ATRNL1: variants seen among roughly 807,000 people sequenced by gnomAD.
ATRNL1 encodes the protein attractin-like protein 1.
Under a neutral mutation model 182.7 loss-of-function variants are expected in ATRNL1, and 95 were observed. That is an observed-to-expected ratio of 0.52 (90% CI 0.44 to 0.62). The LOEUF (loss-of-function observed/expected upper bound fraction) is 0.62, where lower values mean the gene tolerates loss of function less well. Ranked by LOEUF, ATRNL1 falls within the 20% of genes least tolerant of loss-of-function variation. The probability of loss-of-function intolerance (pLI) is 0.00; values close to 1 mark genes in which losing one functional copy is unlikely to be tolerated. For synonymous variants in ATRNL1, 576 were observed against 568.3 expected, an observed-to-expected ratio of 1.01 and a Z score of -0.19; for missense variants, 1,471 against 1,679.5, an observed-to-expected ratio of 0.88 and a Z score of 2.17.
chr10:115,542,255 A>G (rs1047640818), intron 25 of ATRNL1, among the ~76,000 whole-genome samples: 1 of 152,114 alleles, frequency 6.6e-6, no homozygotes, highest in Admixed American at 6.5e-5. Context: ...TAGCCTCAAA[A>G]TCTGTTACAG....
Position 115,674,810 on chromosome 10 carries a change from C to T in ATRNL1, c.3796-52438C>T, listed in dbSNP as rs1233414356. 3.3e-5 allele frequency among the ~76,000 whole-genome samples: 5 copies of T among 152,206 alleles called. 1 individual carries two copies. The highest frequency in any genetic ancestry group is 1.2e-4 in the African/African-American group (5 of 41,560). On this transcript the variant is annotated intron_variant, in intron 26 of 28. Coordinates refer to ENST00000355044, the MANE Select transcript of ATRNL1 (RefSeq NM_207303.4). ...AAAAATGGACTGTATTTCTAGACCACTGTGATTCTTGCATATGCTAGCAAC... is the reference window on the plus strand; with the variant it reads ...AAAAATGGACTGTATTTCTAGACCATTGTGATTCTTGCATATGCTAGCAAC...
intron 10 of ATRNL1, among the ~76,000 whole-genome samples, chr10:115,260,048 C>T (rs886721186): frequency 3.8e-4 from 58 of 152,138 alleles, no homozygotes; most frequent in African/African-American, 1.4e-3. Flanking sequence ...GCTGTCACTT[C>T]CTACCGCTAC....
At chr10:115,743,344 T>A (rs1948195731) in intron 27 of ATRNL1, among the ~76,000 whole-genome samples, 1 of 151,336 alleles carries the variant, frequency 6.6e-6, no homozygotes, top group South Asian at 2.1e-4. Flanking sequence ...TTCACCCCAA[T>A]AAGCTGACTC....
intron 26 of ATRNL1, among the ~76,000 whole-genome samples, chr10:115,596,416 C>T (rs971838761): frequency 1.3e-5 from 2 of 152,126 alleles, no homozygotes; most frequent in Non-Finnish European, 1.5e-5. Flanking sequence ...CGTCATTATT[C>T]TCATTTGAAT....
At chr10:115,235,817 A>G (rs1429806387) in intron 9 of ATRNL1, among the ~76,000 whole-genome samples, 1 of 152,112 alleles carries the variant, frequency 6.6e-6, no homozygotes, top group Non-Finnish European at 1.5e-5. Flanking sequence ...ATACTTTCAG[A>G]TTATGTAAAT....
At chr10:115,532,189 G>C (rs1851635419) in intron 25 of ATRNL1, among the ~76,000 whole-genome samples, 1 of 152,066 alleles carries the variant, frequency 6.6e-6, no homozygotes, top group African/African-American at 2.4e-5. Context: ...GCTTGATGGG[G>C]ATGTCATTGA....
intron 27 of ATRNL1, among the ~76,000 whole-genome samples, chr10:115,776,270 A>G (rs1949123903): frequency 6.6e-6 from 1 of 152,210 alleles, no homozygotes; most frequent in South Asian, 2.1e-4. Flanking sequence ...AGCGTATGTT[A>G]ATCTGGACAT....
At chr10:115,181,217 A>G (rs1554887780) in intron 8 of ATRNL1, among the ~76,000 whole-genome samples, 1 of 151,902 alleles carries the variant, frequency 6.6e-6, no homozygotes, top group African/African-American at 2.4e-5. Flanking sequence ...CAAATGTTAC[A>G]TGTTTTGTCC....
chr10:115,384,434 A>G (rs1326258444), intron 19 of ATRNL1, among the ~76,000 whole-genome samples: 1 of 152,018 alleles, frequency 6.6e-6, no homozygotes, highest in East Asian at 1.9e-4. Context: ...TTTGGTCACA[A>G]ATATAAGGGT....
rs2133655798 is a variant in ATRNL1 at position 115,947,260 on chromosome 10, T to G, written c.*2481T>G. On this transcript the variant is annotated 3_prime_UTR_variant, in exon 29 of 29. Transcript: ENST00000355044. The stretch of plus-strand genomic sequence containing the variant: ...CACTTTAAATTTGGATGCTTTCATT[T>G]TTTTTAAATCAAACCACACAAATAT... 6.5e-6 allele frequency: 1 copy of G among 152,746 alleles called. No individual in the cohort carries two copies. Among genetic ancestry groups the G allele is most frequent in the African/African-American group, 2.4e-5 (1 of 41,566 alleles). The allele number at this position is 152,746 out of a possible 1,614,324, so 9.5% of individuals were successfully genotyped here. A position where few individuals can be genotyped will look rare whatever the true frequency, so the allele number is the denominator to read the frequency against.
At chr10:115,581,871 C>T (rs4539225) in intron 26 of ATRNL1, among the ~76,000 whole-genome samples, 68,431 of 142,976 alleles carry the variant, frequency 0.48, 17,566 homozygotes, top group East Asian at 0.83. Context: ...ATTAGGTATA[C>T]CTCCCATTGC....
At chr10:115,777,114 T>G (rs1949146491) in intron 27 of ATRNL1, among the ~76,000 whole-genome samples, 1 of 152,176 alleles carries the variant, frequency 6.6e-6, no homozygotes, top group African/African-American at 2.4e-5. Flanking sequence ...ATAAAGCAAA[T>G]GTAGCAAAAT....
chr10:115,173,519 G>A (rs1194495601), intron 8 of ATRNL1, among the ~76,000 whole-genome samples: 5 of 151,790 alleles, frequency 3.3e-5, no homozygotes, highest in African/African-American at 1.2e-4. Flanking sequence ...TTCTGTTACT[G>A]ACTTAGTATT....
In ATRNL1 at chr10:115,389,577, T is replaced by C. The variant is rs1356986800; in HGVS notation, c.3176-5082T>C. ...ATATATATATATATATATATATATA[T>C]ATATATATATATATTTCATCCAATG... On this transcript the variant is annotated intron_variant, in intron 19 of 28. Transcript: ENST00000355044. Among the ~76,000 whole-genome samples the C allele has an allele frequency of 5.8e-5, 7 of 120,676 alleles. No individual in the cohort carries two copies. The South Asian group carries it at 1.4e-3, about 23-fold the overall frequency. 79.2% of individuals were successfully genotyped at this position (120,676 alleles called of 152,430 possible). A position where few individuals can be genotyped will look rare whatever the true frequency, so the allele number is the denominator to read the frequency against.
At chr10:115,264,137 G>A (rs143160034) in intron 10 of ATRNL1, among the ~76,000 whole-genome samples, 4 of 150,996 alleles carry the variant, frequency 2.6e-5, no homozygotes, top group African/African-American at 7.3e-5. Flanking sequence ...CAACGTGCAC[G>A]TTTGTTACGT....
At chr10:115,582,404 C>T (rs1379956048) in intron 26 of ATRNL1, among the ~76,000 whole-genome samples, 2 of 139,686 alleles carry the variant, frequency 1.4e-5, no homozygotes, top group Non-Finnish European at 3.1e-5. Flanking sequence ...TCTCCAGCAC[C>T]TGTTGTTTCC....
intron 17 of ATRNL1, among the ~76,000 whole-genome samples, chr10:115,311,731 C>T (rs782325469): frequency 1.3e-5 from 2 of 152,122 alleles, no homozygotes; most frequent in Non-Finnish European, 2.9e-5. Flanking sequence ...TATTGTGCTG[C>T]TGTCTATCTC....
At chr10:115,877,739 C>T (rs1951732134) in intron 28 of ATRNL1, among the ~76,000 whole-genome samples, 1 of 152,224 alleles carries the variant, frequency 6.6e-6, no homozygotes, top group African/African-American at 2.4e-5. Flanking sequence ...CAGCCAACCA[C>T]ATAACTATAT....
chr10:115,533,523 A>T (rs1211772499), intron 25 of ATRNL1, among the ~76,000 whole-genome samples: 1 of 152,018 alleles, frequency 6.6e-6, no homozygotes, highest in South Asian at 2.1e-4. Flanking sequence ...CTAGCTGTCT[A>T]TCAATTTTGT....
Sources: gnomAD v4.1 joint callset for allele counts (sites outside exome capture counted in the v4.1 genomes callset) on GRCh38, gnomAD v4.1.1 for gene constraint, MANE v1.5 for transcripts, NCBI Gene and HGNC (gene_info 2026-07-23, HGNC 2026-07-21) for gene names.